CCNYL1: variants seen among roughly 807,000 people sequenced by gnomAD.
CCNYL1 encodes cyclin Y like 1.
Under a neutral mutation model 44.2 loss-of-function variants are expected in CCNYL1, and 16 were observed. That is an observed-to-expected ratio of 0.36 (90% CI 0.25 to 0.55). The LOEUF is 0.55. Among genes scored for constraint, CCNYL1 ranks in the 20% least tolerant of loss-of-function variants. The pLI, the probability that CCNYL1 is intolerant of heterozygous loss-of-function variation, is 0.85. For missense variants in CCNYL1, 348 were observed against 451.8 expected, an observed-to-expected ratio of 0.77 and a Z score of 2.08; for synonymous variants, 159 against 163.2, an observed-to-expected ratio of 0.97 and a Z score of 0.20.
At chr2:207,742,020 G>A (rs1411832603) in intron 6 of CCNYL1, among the ~76,000 whole-genome samples, 6 of 151,028 alleles carry the variant, frequency 4.0e-5, no homozygotes, top group Non-Finnish European at 5.9e-5. Flanking sequence ...GCGTGGTGGC[G>A]GGTGCCTGTA....
intron 3 of CCNYL1, among the ~76,000 whole-genome samples, chr2:207,731,930 C>G (rs1037987438): frequency 2.0e-5 from 3 of 151,610 alleles, no homozygotes; most frequent in Non-Finnish European, 4.4e-5. Flanking sequence ...TTGCCTCGGC[C>G]TCCCGAGTAG....
intron 1 of CCNYL1, among the ~76,000 whole-genome samples, 155 bp from the exon 2 acceptor site, chr2:207,724,645 A>G (rs2091666263): frequency 6.6e-6 from 1 of 152,212 alleles, no homozygotes; most frequent in East Asian, 1.9e-4. Flanking sequence ...TGCATTCCCC[A>G]GGAGTATTTT....
chr2:207,721,734 GTTTTT>G (rs59024332), intron 1 of CCNYL1, among the ~76,000 whole-genome samples: 1 of 141,150 alleles, frequency 7.1e-6, no homozygotes, highest in South Asian at 2.2e-4. Context: ...GGAGTTTTTT[GTTTTT>G]TTTTTTTTTG....
At chr2:207,731,882 T>A (rs2091731380) in intron 3 of CCNYL1, among the ~76,000 whole-genome samples, 1 of 148,264 alleles carries the variant, frequency 6.7e-6, no homozygotes. Context: ...CAATCTTGGC[T>A]CACTACAACC....
Position 207,750,941 on chromosome 2 carries a change from G to A in CCNYL1, c.807-16G>A, listed in dbSNP as rs201859259. 2.3e-4 allele frequency: 367 copies of A among 1,611,436 alleles called. 1 individual carries two copies. The highest frequency in any genetic ancestry group is 1.2e-4 in the Non-Finnish European group (142 of 1,178,910). ...CATTGTCCTGTGCTGGTTCTGTTGT[G>A]TTCTTCCTCCTCCAGGAATGAAATG... On this transcript the variant is annotated splice_polypyrimidine_tract_variant and intron_variant, in intron 8 of 9. Coordinates refer to ENST00000295414, the MANE Select transcript of CCNYL1 (RefSeq NM_001330218.2).
chr2:207,734,039 A>G lies in CCNYL1; in HGVS notation c.423A>G (p.Thr141=), dbSNP rs1218341265. ...TCAGCCAGCCTAATCTTAGAACCAC[A>G]GTAAAATGGTGAGTACAACTAGGCT... ...STVSQPNLRT[T]VKCVTLAIYY... Residue 141 remains threonine, a synonymous_variant, in exon 4 of 10, where the codon ACA becomes ACG. Transcript: ENST00000295414. 1.2e-6 allele frequency: 2 copies of G among 1,609,878 alleles called. No homozygotes were observed. The highest frequency in any genetic ancestry group is 1.7e-6 in the Non-Finnish European group (2 of 1,176,352).
In CCNYL1 at chr2:207,745,265, G is replaced by A. The variant is rs186969979; in HGVS notation, c.640-1782G>A. Among the ~76,000 whole-genome samples the A allele has an allele frequency of 3.7e-3, 556 of 152,322 alleles. 4 individuals carry two copies. The highest frequency in any genetic ancestry group is 0.013 in the African/African-American group (526 of 41,572). ...AGAAGGAGAAAGCCTTCAAAAAGACGCAGTTGCGGGGACAGTGTTCTGCAC... is the reference window on the plus strand; with the variant it reads ...AGAAGGAGAAAGCCTTCAAAAAGACACAGTTGCGGGGACAGTGTTCTGCAC... On this transcript the variant is annotated intron_variant, in intron 7 of 9. Transcript: ENST00000295414.
At chr2:207,741,274 G>T (rs1000936248) in intron 6 of CCNYL1, among the ~76,000 whole-genome samples, 1 of 151,884 alleles carries the variant, frequency 6.6e-6, no homozygotes, top group African/African-American at 2.4e-5. Flanking sequence ...ATTTTTCAAA[G>T]TGTATTTAAG....
chr2:207,751,928 G>T (rs960081307), intron 9 of CCNYL1, among the ~76,000 whole-genome samples: 5 of 151,890 alleles, frequency 3.3e-5, no homozygotes, highest in African/African-American at 1.2e-4. Flanking sequence ...CCAGCTACTT[G>T]GGAGGCTGAG....
At position 207,755,487 on chromosome 2, in the gene CCNYL1, TTG is replaced by T. The variant is rs2091925351; in HGVS notation, c.*1791_*1792del. 1 of 152,232 alleles carries T rather than the reference TTG, an allele frequency of 6.6e-6. No homozygotes were observed. Among genetic ancestry groups the T allele is most frequent in the African/African-American group, 2.4e-5 (1 of 41,458 alleles). 9.4% of individuals were successfully genotyped at this position (152,232 alleles called of 1,614,324 possible). ...AATTACACTGAACTTTTGGAATACC[TTG>T]TATCTCCATAAAATGCCCTCTTTTT... On this transcript the variant is annotated 3_prime_UTR_variant, in exon 10 of 10. Coordinates refer to ENST00000295414, the MANE Select transcript of CCNYL1 (RefSeq NM_001330218.2).
rs2091747297 is a variant in CCNYL1, at chr2:207,734,007, A to T, written c.391A>T (p.Ser131Cys). 1 of 1,613,726 alleles carries T rather than the reference A, an allele frequency of 6.2e-7. No homozygotes were observed. The highest frequency in any genetic ancestry group is 1.1e-5 in the South Asian group (1 of 91,060). Residue 131 changes from serine to cysteine, a missense_variant, in exon 4 of 10, where the codon AGC becomes TGC. Physicochemically the swap from Ser to Cys is moderately radical, Grantham distance 112. This residue lies in a region of CCNYL1 where 209 missense variants were observed against 247.7 expected (regional missense o/e 0.84). Coordinates refer to ENST00000295414, the MANE Select transcript of CCNYL1 (RefSeq NM_001330218.2). Reference sequence around the variant, plus strand: ...ATGCTCAACAATATTTCTAGATGACAGCACAGTCAGCCAGCCTAATCTTAG... The same window carrying T: ...ATGCTCAACAATATTTCTAGATGACTGCACAGTCAGCCAGCCTAATCTTAG... The part of the protein sequence containing the change: ...SSCSTIFLDD[S>C]TVSQPNLRTT...
At chr2:207,748,582 T>G (rs183358536) in intron 8 of CCNYL1, among the ~76,000 whole-genome samples, 25 of 152,248 alleles carry the variant, frequency 1.6e-4, no homozygotes, top group Admixed American at 3.3e-4. Flanking sequence ...TAGAAAAATA[T>G]GAAGGAGCAC....
intron 1 of CCNYL1, among the ~76,000 whole-genome samples, chr2:207,718,148 C>T (rs1451374368): frequency 6.6e-6 from 1 of 152,122 alleles, no homozygotes; most frequent in Non-Finnish European, 1.5e-5. Context: ...TCGTGATCCA[C>T]CCACCCTGGC....
chr2:207,719,806 G>A (rs2091625865), intron 1 of CCNYL1, among the ~76,000 whole-genome samples: 1 of 151,852 alleles, frequency 6.6e-6, no homozygotes, highest in African/African-American at 2.4e-5. Context: ...ATAGCTCACT[G>A]CAGCCTCCAC....
At chr2:207,748,744 T>TA (rs1472846725) in intron 8 of CCNYL1, among the ~76,000 whole-genome samples, 14 of 152,222 alleles carry the variant, frequency 9.2e-5, no homozygotes, top group African/African-American at 3.1e-4. Flanking sequence ...TACTTGTGAC[T>TA]AAAAAGGAAC....
chr2:207,755,264 C>T lies in CCNYL1; in HGVS notation c.*1566C>T, dbSNP rs914049100. ...ATATGGTGGCATGTGTCTGTAGTCC[C>T]AGCCACTCTGGAGGCTAAGGTGGGA... On this transcript the variant is annotated 3_prime_UTR_variant, in exon 10 of 10. Coordinates refer to ENST00000295414, the MANE Select transcript of CCNYL1 (RefSeq NM_001330218.2). 1.3e-5 allele frequency: 2 copies of T among 152,114 alleles called. No homozygotes were observed. Among genetic ancestry groups the T allele is most frequent in the Non-Finnish European group, 2.9e-5 (2 of 68,058 alleles). The allele number at this position is 152,114 out of a possible 1,614,324, so 9.4% of individuals were successfully genotyped here.
chr2:207,732,170 G>T (rs1215643340), intron 3 of CCNYL1, among the ~76,000 whole-genome samples: 1 of 152,186 alleles, frequency 6.6e-6, no homozygotes, highest in South Asian at 2.1e-4. Context: ...TATACTGTAT[G>T]TGTTTCTTGA....
intron 3 of CCNYL1, 32 bp downstream of exon 3, chr2:207,726,908 A>G: frequency 6.7e-7 from 1 of 1,486,368 alleles, no homozygotes; most frequent in Non-Finnish European, 9.0e-7. Flanking sequence ...TAAGAAATTA[A>G]CAGTTGAATT....
At chr2:207,735,611 A>G (rs1239174831) in intron 4 of CCNYL1, among the ~76,000 whole-genome samples, 1 of 152,206 alleles carries the variant, frequency 6.6e-6, no homozygotes, top group African/African-American at 2.4e-5. Flanking sequence ...GACACCTGTA[A>G]TCCTAGCACT....
Sources: gnomAD v4.1 joint callset for allele counts (sites outside exome capture counted in the v4.1 genomes callset) on GRCh38, gnomAD v4.1.1 for gene constraint, gnomAD v4.1.1 regional missense constraint, MANE v1.5 for transcripts, NCBI Gene and HGNC (gene_info 2026-07-23, HGNC 2026-07-21) for gene names.